TENM3: variants seen among roughly 807,000 people sequenced by gnomAD.
TENM3 encodes the protein teneurin-3.
Under a neutral mutation model 255.1 loss-of-function variants are expected in TENM3, and 63 were observed. The observed-to-expected ratio is 0.25, with a 90% CI of 0.20 to 0.30. The LOEUF (loss-of-function observed/expected upper bound fraction) is 0.30. TENM3 is among the 10% of genes least tolerant of loss of function. The probability of loss-of-function intolerance (pLI) is 1.00; values close to 1 mark genes in which losing one functional copy is unlikely to be tolerated. For synonymous variants in TENM3, 1,306 were observed against 1,322.3 expected (o/e 0.99, Z 0.27); for missense variants, 2,929 against 3,461.1 (o/e 0.85, Z 3.86).
the TENM3 span, among the ~76,000 whole-genome samples, chr4:181,761,729 G>A: frequency 6.6e-6 from 1 of 151,856 alleles, no homozygotes; most frequent in Admixed American, 6.6e-5. Context: ...GCTTCCTATC[G>A]AGTATTCCTA....
chr4:181,456,804 T>TA, the TENM3 span, among the ~76,000 whole-genome samples: 1 of 151,970 alleles, frequency 6.6e-6, no homozygotes, highest in African/African-American at 2.4e-5. Context: ...TTTTTACATT[T>TA]AAAAAATCAC....
At chr4:181,791,870 T>C in the TENM3 span, among the ~76,000 whole-genome samples, 4 of 152,222 alleles carry the variant, frequency 2.6e-5, no homozygotes, top group Non-Finnish European at 5.9e-5. Context: ...ACTGTGTTGT[T>C]TTTGCCTGAC....
the TENM3 span, among the ~76,000 whole-genome samples, chr4:181,805,456 G>A: frequency 6.6e-6 from 1 of 152,130 alleles, no homozygotes; most frequent in Non-Finnish European, 1.5e-5. Flanking sequence ...CTTCATTCAA[G>A]TGCCCACGGA....
the TENM3 span, among the ~76,000 whole-genome samples, chr4:181,601,002 A>G: frequency 2.5e-4 from 38 of 152,010 alleles, no homozygotes; most frequent in Non-Finnish European, 4.7e-4. Context: ...TTGCATTTCC[A>G]TGTTTGAGAT....
the TENM3 span, among the ~76,000 whole-genome samples, chr4:181,553,671 G>A: frequency 6.6e-6 from 1 of 152,174 alleles, no homozygotes; most frequent in Non-Finnish European, 1.5e-5. Flanking sequence ...TCGATCTCCT[G>A]ACCTCGTGAT....
At chr4:181,669,387 A>G in the TENM3 span, among the ~76,000 whole-genome samples, 1 of 152,168 alleles carries the variant, frequency 6.6e-6, no homozygotes, top group Non-Finnish European at 1.5e-5. Context: ...TTGGACCAAG[A>G]CTGTTTGGCT....
At chr4:182,693,632 G>GT (rs1579132103) in intron 12 of TENM3, among the ~76,000 whole-genome samples, 1 of 152,078 alleles carries the variant, frequency 6.6e-6, no homozygotes, top group Non-Finnish European at 1.5e-5. Context: ...CCTCAGTTGG[G>GT]TTTTTTCGCA....
intron 2 of TENM3, among the ~76,000 whole-genome samples, chr4:182,331,780 T>C (rs531914079): frequency 6.6e-6 from 1 of 152,232 alleles, no homozygotes; most frequent in East Asian, 1.9e-4. Flanking sequence ...ACTGGGTAAG[T>C]GATGAAAGGC....
intron 3 of TENM3, among the ~76,000 whole-genome samples, chr4:182,567,850 A>G (rs979080369): frequency 6.6e-6 from 1 of 151,674 alleles, no homozygotes; most frequent in Admixed American, 6.6e-5. Context: ...TCCAAAAAAA[A>G]AAAAAAAAAC....
At chr4:182,425,480 C>T (rs1771134660) in intron 3 of TENM3, among the ~76,000 whole-genome samples, 1 of 152,074 alleles carries the variant, frequency 6.6e-6, no homozygotes, top group African/African-American at 2.4e-5. Flanking sequence ...TTAAAACATT[C>T]CATTAAAAAG....
Position 182,589,684 on chromosome 4 carries a change from G to T in TENM3, c.512-11240G>T, listed in dbSNP as rs532000291. On this transcript the variant is annotated intron_variant, in intron 3 of 27. Coordinates refer to ENST00000511685, the MANE Select transcript of TENM3 (RefSeq NM_001080477.4). ...TTTGAGAGTATATTCTTTTAAAAAC[G>T]GTTTGCGGCCGGGCGCAGTGGCTCA... 1.9e-3 allele frequency among the ~76,000 whole-genome samples: 290 copies of T among 152,024 alleles called. 1 individual carries two copies. The highest frequency in any genetic ancestry group is 3.4e-3 in the Non-Finnish European group (233 of 67,950).
At chr4:181,802,371 C>A in the TENM3 span, among the ~76,000 whole-genome samples, 1 of 152,152 alleles carries the variant, frequency 6.6e-6, no homozygotes, top group Admixed American at 6.5e-5. Flanking sequence ...TCAATGGAAT[C>A]CGCTGTAGCC....
chr4:182,768,587 G>A (rs1485471711), intron 22 of TENM3, among the ~76,000 whole-genome samples: 1 of 152,170 alleles, frequency 6.6e-6, no homozygotes, highest in Non-Finnish European at 1.5e-5. Flanking sequence ...CAAGGAAAAG[G>A]AGAAAGTTAG....
At chr4:182,750,881 A>G (rs1157643179) in intron 19 of TENM3, among the ~76,000 whole-genome samples, 3 of 152,342 alleles carry the variant, frequency 2.0e-5, no homozygotes, top group East Asian at 1.9e-4. Flanking sequence ...TCAGAAGACA[A>G]TCTTTGCACA....
chr4:181,801,651 A>AATATATAT, the TENM3 span, among the ~76,000 whole-genome samples: 579 of 80,274 alleles, frequency 7.2e-3, 14 homozygotes, highest in Middle Eastern at 0.013. Context: ...AGAATTGTAA[A>AATATATAT]ATATATATAT....
the TENM3 span, among the ~76,000 whole-genome samples, chr4:181,653,260 T>C: frequency 6.6e-6 from 1 of 152,276 alleles, no homozygotes; most frequent in South Asian, 2.1e-4. Flanking sequence ...TAGGCCCCAA[T>C]TCCAGACTTT....
the TENM3 span, among the ~76,000 whole-genome samples, chr4:181,563,190 C>T: frequency 3.3e-5 from 5 of 152,170 alleles, no homozygotes; most frequent in East Asian, 1.9e-4. Flanking sequence ...ATCAAGGTGT[C>T]GTCAGCAGGG....
At chr4:181,793,387 C>T in the TENM3 span, among the ~76,000 whole-genome samples, 3 of 152,318 alleles carry the variant, frequency 2.0e-5, no homozygotes, top group East Asian at 5.8e-4. Flanking sequence ...CATGCTGAGG[C>T]TTGTTAAGCG....
At position 182,262,916 on chromosome 4, in the gene TENM3, T is replaced by C. The variant is rs553370270; in HGVS notation, c.-76+19440T>C. Among the ~76,000 whole-genome samples, 21 of 152,084 alleles carry C rather than the reference T, an allele frequency of 1.4e-4. 1 individual carries two copies. The South Asian group carries it at 3.1e-3, about 23-fold the overall frequency. On this transcript the variant is annotated intron_variant, in intron 1 of 27. Transcript: ENST00000511685. ...TTTTAGTAGAGACGGGGTTTCACCG[T>C]GTTAGCCAGGATGGTCTCGATCTCC...
Sources: gnomAD v4.1 joint callset for allele counts (sites outside exome capture counted in the v4.1 genomes callset) on GRCh38, gnomAD v4.1.1 for gene constraint, MANE v1.5 for transcripts, NCBI Gene and HGNC (gene_info 2026-07-23, HGNC 2026-07-21) for gene names.